The following DCD variants were observed in gnomAD, a reference collection of about 807,000 sequenced individuals.
DCD encodes the protein dermcidin.
In DCD, 17 loss-of-function variants were observed where a neutral mutation model predicts 14.5. The ratio of observed to expected loss-of-function variants is 1.18; its 90% CI spans 0.81 to 1.76. DCD has a LOEUF of 1.76. Among genes scored for constraint, DCD ranks in the 40% most tolerant of loss-of-function variants. The pLI is 0.00. For synonymous variants in DCD, 64 were observed against 54.0 expected, an observed-to-expected ratio of 1.19 and a Z score of -0.82; for missense variants, 139 against 133.4, an observed-to-expected ratio of 1.04 and a Z score of -0.21.
In DCD at chr12:54,647,096, G is replaced by A. The variant is rs1478911749; in HGVS notation, c.97+25C>T. On this transcript the variant is annotated intron_variant, in intron 2 of 4. Coordinates refer to ENST00000293371, the MANE Select transcript of DCD (RefSeq NM_053283.4). ...CATTAACCCTCCCACCCAGGACTGG[G>A]GCAGGAGGAAGAGAAAGGACTCACG... 4 of 1,553,334 alleles carry A rather than the reference G, an allele frequency of 2.6e-6. No homozygotes were observed. The Admixed American group carries it at 7.8e-5, about 30-fold the overall frequency.
rs538180888 is a variant in DCD at position 54,645,236 on chromosome 12, C to CT, written c.225dup (p.Ala76SerfsTer21). Reference sequence around the variant, plus strand: ...CCTAGTTTTCCGAGTCCCCCCACAGCTTTTTTTGCTCCGTCTAGGCCTTTT... The same window carrying CT: ...CCTAGTTTTCCGAGTCCCCCCACAGCTTTTTTTTGCTCCGTCTAGGCCTTTT... On this transcript the variant is annotated frameshift_variant, in exon 4 of 5. Transcript: ENST00000293371. LOFTEE classifies it high-confidence loss of function. 1.6e-3 allele frequency: 2,641 copies of CT among 1,614,040 alleles called. 4 individuals are homozygous for CT. The highest frequency in any genetic ancestry group is 1.9e-3 in the Non-Finnish European group (2,297 of 1,180,012).
chr12:54,648,177 G>T, intron 1 of DCD, 69 bp downstream of exon 1: 2 of 1,566,660 alleles, frequency 1.3e-6, no homozygotes, highest in South Asian at 2.2e-5. Context: ...GGAGGGGAAG[G>T]GGAAATGAAG....
chr12:54,644,697 C>T lies in DCD; in HGVS notation c.*16G>A. 6.4e-7 allele frequency: 1 copy of T among 1,572,448 alleles called. No individual in the cohort carries two copies. The highest frequency in any genetic ancestry group is 8.7e-7 in the Non-Finnish European group (1 of 1,150,170). ...CCTGCTGCTCCTGGGTATCATTTCT[C>T]AGCTTCTCCTTACAGCTATAGTACT... is the stretch of plus-strand genomic sequence containing the variant. On this transcript the variant is annotated 3_prime_UTR_variant, in exon 5 of 5. Coordinates refer to ENST00000293371, the MANE Select transcript of DCD (RefSeq NM_053283.4).
rs1042472807 is a variant in DCD at position 54,644,621 on chromosome 12, TA to T, written c.*91del. 68 of 1,001,480 alleles carry T rather than the reference TA, an allele frequency of 6.8e-5. No individual in the cohort carries two copies. The highest frequency in any genetic ancestry group is 4.5e-4 in the East Asian group (17 of 38,170). The allele number at this position is 1,001,480 out of a possible 1,614,324, so 62.0% of individuals were successfully genotyped here. A position where few individuals can be genotyped will look rare whatever the true frequency, so the allele number is the denominator to read the frequency against. ...GATGCTTTCAGTTTAATAGCTGTTT[TA>T]AATTTTTTTTTTTTTTTTTTTTTTT... On this transcript the variant is annotated 3_prime_UTR_variant, in exon 5 of 5. Transcript: ENST00000293371.
intron 2 of DCD, 23 bp from the exon 3 acceptor site, chr12:54,645,730 G>A (rs1958255164): frequency 6.3e-7 from 1 of 1,594,054 alleles, no homozygotes; most frequent in Non-Finnish European, 8.6e-7. Context: ...GGGAGTGAGA[G>A]GAATAATAGC....
rs554713485 is a variant in DCD, at chr12:54,645,440, G to A, written c.199+166C>T. 6.6e-5 allele frequency among the ~76,000 whole-genome samples: 10 copies of A among 152,272 alleles called. No homozygotes were observed. In the South Asian group the frequency reaches 2.1e-3, roughly 32 times the overall value. ...GCCAGTATTAGCTGCAAAACCTATGGCCCAGAAACCCTGTATGTAGAAGCA... is the reference window on the plus strand; with the variant it reads ...GCCAGTATTAGCTGCAAAACCTATGACCCAGAAACCCTGTATGTAGAAGCA... On this transcript the variant is annotated intron_variant, in intron 3 of 4. Coordinates refer to ENST00000293371, the MANE Select transcript of DCD (RefSeq NM_053283.4).
intron 1 of DCD, among the ~76,000 whole-genome samples, chr12:54,647,905 G>T (rs1291234145): frequency 6.6e-6 from 1 of 152,188 alleles, no homozygotes; most frequent in Non-Finnish European, 1.5e-5. Flanking sequence ...GTGGGTGGGT[G>T]AAATAATGGG....
chr12:54,647,304 G>T (rs1958269153), intron 1 of DCD, 145 bp from the exon 2 acceptor site: 2 of 720,714 alleles, frequency 2.8e-6, no homozygotes, highest in Non-Finnish European at 2.2e-6. Context: ...TTCACAAGGG[G>T]CCCACTAGAA....
chr12:54,645,742 A>C (rs1592200577), intron 2 of DCD, 35 bp from the exon 3 acceptor site: 2 of 1,574,250 alleles, frequency 1.3e-6, no homozygotes, highest in East Asian at 2.2e-5. Context: ...AATAATAGCT[A>C]TTTCACTCTT....
Position 54,645,226 on chromosome 12 carries a change from C to A in DCD, c.236G>T (p.Gly79Val), listed in dbSNP as rs774119123. ...TGCATCTTTTCCTAGTTTTCCGAGT[C>A]CCCCCACAGCTTTTTTTGCTCCGTC... ...GLDGAKKAVGGLGKLGKDAVE... is the reference protein window; with the variant it reads ...GLDGAKKAVGVLGKLGKDAVE... The change falls in exon 4 of 5, where the codon GGA (glycine) becomes GTA (valine). Residue 79 changes from glycine to valine, a missense_variant. Gly to Val is a moderately radical substitution (Grantham distance 109). Coordinates refer to ENST00000293371, the MANE Select transcript of DCD (RefSeq NM_053283.4). 2.5e-6 allele frequency: 4 copies of A among 1,613,976 alleles called. No homozygotes were observed. Among genetic ancestry groups the A allele is most frequent in the Middle Eastern group, 1.6e-4 (1 of 6,062 alleles).
intron 3 of DCD, 56 bp from the exon 4 acceptor site, chr12:54,645,318 T>C (rs557234389): frequency 3.2e-6 from 5 of 1,538,742 alleles, no homozygotes; most frequent in African/African-American, 1.4e-5. Context: ...ACTTCCTTTG[T>C]AGGAGAGCTC....
At chr12:54,646,851 C>T (rs887339964) in intron 2 of DCD, among the ~76,000 whole-genome samples, 5 of 151,978 alleles carry the variant, frequency 3.3e-5, no homozygotes, top group Non-Finnish European at 7.4e-5. Flanking sequence ...ATGTGAAGTT[C>T]CTCCTCTTGC....
Position 54,644,624 on chromosome 12 carries a change from ATT to A in DCD, c.*87_*88del, listed in dbSNP as rs11338265. 57,531 of 631,580 alleles carry A rather than the reference ATT, an allele frequency of 0.091. No homozygotes were observed. Among genetic ancestry groups the A allele is most frequent in the Non-Finnish European group, 0.097 (37,069 of 382,864 alleles). 39.1% of individuals were successfully genotyped at this position (631,580 alleles called of 1,614,324 possible). A position where few individuals can be genotyped will look rare whatever the true frequency, so the allele number is the denominator to read the frequency against. On this transcript the variant is annotated 3_prime_UTR_variant, in exon 5 of 5. Coordinates refer to ENST00000293371, the MANE Select transcript of DCD (RefSeq NM_053283.4). ...GCTTTCAGTTTAATAGCTGTTTTAA[ATT>A]TTTTTTTTTTTTTTTTTTTTTAGGT...
rs369155507 is a variant in DCD at position 54,644,663 on chromosome 12, G to T, written c.*50C>A. 738 of 854,432 alleles carry T rather than the reference G, an allele frequency of 8.6e-4. No individual in the cohort carries two copies. Among genetic ancestry groups the T allele is most frequent in the Non-Finnish European group, 1.3e-3 (694 of 530,982 alleles). 52.9% of individuals were successfully genotyped at this position (854,432 alleles called of 1,614,324 possible). A position where few individuals can be genotyped will look rare whatever the true frequency, so the allele number is the denominator to read the frequency against. The stretch of plus-strand genomic sequence containing the variant: ...TTTTTTTTTTAGGTTTTAGGCTGAA[G>T]ACGTAAAGCCTGCTGCTCCTGGGTA... On this transcript the variant is annotated 3_prime_UTR_variant, in exon 5 of 5. Transcript: ENST00000293371.
Position 54,645,159 on chromosome 12 carries a change from G to C in DCD, c.289+14C>G. The C allele has an allele frequency of 6.2e-7, 1 of 1,612,736 alleles. No homozygotes were observed. The highest frequency in any genetic ancestry group is 8.5e-7 in the Non-Finnish European group (1 of 1,178,968). The stretch of plus-strand genomic sequence containing the variant: ...GAGGCTGGTCCTGAGGGAGGAGTGG[G>C]GACATATACTCACCTTTACCCACGC... On this transcript the variant is annotated intron_variant, in intron 4 of 4. Coordinates refer to ENST00000293371, the MANE Select transcript of DCD (RefSeq NM_053283.4).
intron 2 of DCD, chr12:54,646,213 C>A: frequency 2.2e-6 from 1 of 451,230 alleles, no homozygotes; most frequent in Non-Finnish European, 4.5e-6. Context: ...TCTGAGAAGA[C>A]ACCAAGGTGC....
chr12:54,646,262 G>A, intron 2 of DCD: 1 of 413,624 alleles, frequency 2.4e-6, no homozygotes, highest in Admixed American at 2.6e-5. Flanking sequence ...AAGGCAGGGA[G>A]GGTGCAGGTG....
chr12:54,644,807 A>G (rs1006729670), intron 4 of DCD, 51 bp from the exon 5 acceptor site: 1 of 1,575,648 alleles, frequency 6.3e-7, no homozygotes, highest in Non-Finnish European at 8.6e-7. Flanking sequence ...AGAAAAAAGG[A>G]AGGGAAAGAG....
chr12:54,645,589 T>A lies in DCD; in HGVS notation c.199+17A>T. The A allele has an allele frequency of 1.2e-6, 2 of 1,606,790 alleles. No homozygotes were observed. The highest frequency in any genetic ancestry group is 1.7e-6 in the Non-Finnish European group (2 of 1,173,484). ...ATGCATCAGAATTCTATACCAGGCA[T>A]TGGGAAAGAGGCTTACCCAGAAGGC... is the stretch of plus-strand genomic sequence containing the variant. On this transcript the variant is annotated intron_variant, in intron 3 of 4. Coordinates refer to ENST00000293371, the MANE Select transcript of DCD (RefSeq NM_053283.4).
Sources: allele counts gnomAD v4.1 joint callset (sites outside exome capture counted in the v4.1 genomes callset), GRCh38; gene constraint gnomAD v4.1.1; transcripts MANE v1.5; gene names NCBI Gene and HGNC (gene_info 2026-07-23, HGNC 2026-07-21).